The following COL21A1 variants were observed in gnomAD, a reference collection of about 807,000 sequenced individuals.
The protein encoded by COL21A1 is collagen alpha-1(XXI) chain.
Under a neutral mutation model 137.9 loss-of-function variants are expected in COL21A1, and 149 were observed. The ratio of observed to expected loss-of-function variants is 1.08; its 90% confidence interval spans 0.95 to 1.24. The LOEUF is 1.24. Ranked by LOEUF, COL21A1 falls within the 50% of genes most tolerant of loss-of-function variation. The pLI is 0.00. For missense variants in COL21A1, 1,167 were observed against 1,158.4 expected (o/e 1.01, Z -0.11); for synonymous variants, 456 against 391.5 (o/e 1.16, Z -1.95).
intron 14 of COL21A1, 54 bp downstream of exon 14, chr6:56,125,513 T>C (rs775568049): frequency 1.1e-5 from 14 of 1,291,134 alleles, no homozygotes; most frequent in Non-Finnish European, 1.5e-5. Flanking sequence ...AGTTTTCTGT[T>C]TCCATTACAT....
intron 20 of COL21A1, among the ~76,000 whole-genome samples, chr6:56,072,702 G>A (rs1349083436): frequency 6.6e-6 from 1 of 151,494 alleles, no homozygotes; most frequent in Non-Finnish European, 1.5e-5. Flanking sequence ...TGATAAAATT[G>A]AGTAGTTACA....
At chr6:56,178,433 A>G (rs995508065) in intron 3 of COL21A1, among the ~76,000 whole-genome samples, 1 of 152,122 alleles carries the variant, frequency 6.6e-6, no homozygotes, top group African/African-American at 2.4e-5. Context: ...AAATATGAAA[A>G]TTTAAAAAGT....
intron 1 of COL21A1, among the ~76,000 whole-genome samples, chr6:56,320,938 A>G (rs1021501839): frequency 2.0e-5 from 3 of 152,096 alleles, no homozygotes; most frequent in Admixed American, 6.6e-5. Flanking sequence ...TGCTTTACTT[A>G]CTACTTTATT....
intron 1 of COL21A1, among the ~76,000 whole-genome samples, chr6:56,344,761 G>A (rs1002597820): frequency 3.9e-5 from 6 of 152,082 alleles, no homozygotes; most frequent in South Asian, 2.1e-4. Flanking sequence ...GAGTTCTCAT[G>A]AGATCTGGTT....
At chr6:56,338,973 A>T (rs1436020820) in intron 1 of COL21A1, among the ~76,000 whole-genome samples, 1 of 152,202 alleles carries the variant, frequency 6.6e-6, no homozygotes, top group African/African-American at 2.4e-5. Context: ...AACTATCTTT[A>T]TAAAAGGGAG....
intron 1 of COL21A1, among the ~76,000 whole-genome samples, chr6:56,244,918 G>C (rs868246106): frequency 2.0e-5 from 3 of 152,180 alleles, no homozygotes; most frequent in South Asian, 4.1e-4. Context: ...CAAATAATGT[G>C]AAAGGAATTG....
chr6:56,348,992 C>T (rs1765653725), intron 1 of COL21A1, among the ~76,000 whole-genome samples: 2 of 152,156 alleles, frequency 1.3e-5, no homozygotes. Flanking sequence ...GATGAAGATG[C>T]TAAACATGTC....
intron 1 of COL21A1, among the ~76,000 whole-genome samples, chr6:56,298,179 G>A (rs1356186584): frequency 1.3e-5 from 2 of 151,982 alleles, no homozygotes; most frequent in African/African-American, 4.8e-5. Context: ...AAGTCCAATG[G>A]TGAAGGGAAT....
intron 1 of COL21A1, among the ~76,000 whole-genome samples, chr6:56,186,958 G>T (rs1048177321): frequency 2.6e-5 from 4 of 152,264 alleles, no homozygotes; most frequent in Admixed American, 1.3e-4. Flanking sequence ...TCTTGAAAAA[G>T]AACTCTCTTA....
At chr6:56,358,168 T>G (rs1581771089) in intron 1 of COL21A1, among the ~76,000 whole-genome samples, 1 of 152,174 alleles carries the variant, frequency 6.6e-6, no homozygotes, top group South Asian at 2.1e-4. Flanking sequence ...TTTGATACGG[T>G]TTTAGGTTTC....
intron 1 of COL21A1, among the ~76,000 whole-genome samples, chr6:56,210,602 C>A (rs1780095580): frequency 6.6e-6 from 1 of 152,138 alleles, no homozygotes; most frequent in South Asian, 2.1e-4. Flanking sequence ...ACCCACTGAT[C>A]TACCTTAACA....
At chr6:56,137,240 A>G (rs1476776654) in intron 12 of COL21A1, among the ~76,000 whole-genome samples, 1 of 152,186 alleles carries the variant, frequency 6.6e-6, no homozygotes, top group East Asian at 1.9e-4. Flanking sequence ...ACTTTTTGTG[A>G]GGATTTAATG....
intron 1 of COL21A1, among the ~76,000 whole-genome samples, chr6:56,267,770 A>AAAGAAG (rs1200291450): frequency 7.9e-6 from 1 of 125,850 alleles, no homozygotes; most frequent in African/African-American, 2.8e-5. Flanking sequence ...AAAAAAAAAA[A>AAAGAAG]AAGAAGAAGA....
At chr6:56,344,827 T>C (rs1765555237) in intron 1 of COL21A1, among the ~76,000 whole-genome samples, 1 of 151,018 alleles carries the variant, frequency 6.6e-6, no homozygotes, top group African/African-American at 2.4e-5. Flanking sequence ...GCTTCAGCTA[T>C]GTAGGACGTG....
intron 10 of COL21A1, among the ~76,000 whole-genome samples, chr6:56,148,608 C>T (rs1775036526): frequency 6.6e-6 from 1 of 152,116 alleles, no homozygotes; most frequent in Admixed American, 6.5e-5. Context: ...AGCTCTTAAA[C>T]TGTTGAGTCC....
At chr6:56,291,769 C>T (rs1764051518) in intron 1 of COL21A1, among the ~76,000 whole-genome samples, 1 of 152,190 alleles carries the variant, frequency 6.6e-6, no homozygotes, top group African/African-American at 2.4e-5. Flanking sequence ...TAAGTTATCT[C>T]CTGTTAGTCA....
rs190730944 is a variant in COL21A1 at position 56,297,490 on chromosome 6, T to C, written c.-39+96481A>G. The stretch of plus-strand genomic sequence containing the variant: ...GCCAACATACTCATTTTTACTTTGC[T>C]TAATGTTCTGGCATATTGTGAAACA... On this transcript the variant is annotated intron_variant, in intron 1 of 28. Coordinates refer to the COL21A1 transcript ENST00000370819. Among the ~76,000 whole-genome samples the C allele has an allele frequency of 3.0e-3, 450 of 152,218 alleles. 4 individuals carry two copies. The highest frequency in any genetic ancestry group is 0.01 in the African/African-American group (436 of 41,548).
At chr6:56,241,798 G>T (rs1346692599) in intron 1 of COL21A1, among the ~76,000 whole-genome samples, 2 of 152,308 alleles carry the variant, frequency 1.3e-5, no homozygotes, top group East Asian at 3.9e-4. Context: ...GATACATCAT[G>T]CTATGCTTGT....
At chr6:56,276,353 C>G (rs1452000051) in intron 1 of COL21A1, among the ~76,000 whole-genome samples, 1 of 152,136 alleles carries the variant, frequency 6.6e-6, no homozygotes, top group African/African-American at 2.4e-5. Flanking sequence ...TGCAACAAAC[C>G]TGGACATGTA....
Sources: gnomAD v4.1 joint callset for allele counts (sites outside exome capture counted in the v4.1 genomes callset) on GRCh38, gnomAD v4.1.1 for gene constraint, MANE v1.5 for transcripts, NCBI Gene and HGNC (gene_info 2026-07-23, HGNC 2026-07-21) for gene names.